Variants in OSR1 observed in about 807,000 individuals in gnomAD.
The protein encoded by OSR1 is protein odd-skipped-related 1.
In OSR1, 3 loss-of-function variants were observed where a neutral mutation model predicts 15.7. The observed-to-expected ratio is 0.19, with a 90% CI of 0.09 to 0.50. OSR1 has a LOEUF of 0.50. OSR1 is among the 20% of genes least tolerant of loss of function. The probability of loss-of-function intolerance (pLI) is 0.97; values close to 1 mark genes in which losing one functional copy is unlikely to be tolerated. For synonymous variants in OSR1, 166 were observed against 152.7 expected, an observed-to-expected ratio of 1.09 and a Z score of -0.64; for missense variants, 271 against 351.1, an observed-to-expected ratio of 0.77 and a Z score of 1.82.
At chr2:19,347,796 G>A (rs1280861154), downstream of OSR1, among the ~76,000 whole-genome samples, 3 of 152,238 alleles carry the variant, frequency 2.0e-5, no homozygotes, top group African/African-American at 7.2e-5. Flanking sequence ...GGCCTCTGTA[G>A]GACCGCGGCG....
At chr2:19,347,097 C>T (rs1664745503), downstream of OSR1, among the ~76,000 whole-genome samples, 1 of 152,168 alleles carries the variant, frequency 6.6e-6, no homozygotes, top group Non-Finnish European at 1.5e-5. Context: ...TGATATTCTT[C>T]CTCTCTCATT....
chr2:19,352,540 G>A, intron 2 of OSR1, 130 bp from the exon 3 acceptor site: 2 of 1,111,370 alleles, frequency 1.8e-6, no homozygotes, highest in South Asian at 3.0e-5. Context: ...TACCAAGTGT[G>A]GATGGGACAA....
chr2:19,352,946 T>C (rs1664869608), intron 2 of OSR1, among the ~76,000 whole-genome samples, 195 bp downstream of exon 2: 3 of 152,218 alleles, frequency 2.0e-5, no homozygotes. Context: ...TTGGGTCCTC[T>C]TTATTCCCAC....
intron 1 of OSR1, chr2:19,358,056 C>A (rs1046925981): frequency 1.3e-5 from 2 of 152,260 alleles, no homozygotes; most frequent in East Asian, 3.8e-4. Flanking sequence ...TCCGTGGGCA[C>A]CTCGCCCGTG....
Position 19,353,158 on chromosome 2 carries a change from G to A in OSR1, c.648C>T (p.Asp216=), listed in dbSNP as rs781224648. The A allele has an allele frequency of 1.9e-6, 3 of 1,613,738 alleles. No homozygotes were observed. Among genetic ancestry groups the A allele is most frequent in the African/African-American group, 2.7e-5 (2 of 74,930 alleles). ...DICHKAFRRQ[D]HLRDHRYIHS... is the part of the protein sequence containing the mutation. ...TGCCGCACCTGTGGTCTCGCAGGTGGTCTTGCCTCCGGAAGGCTTTGTGGC... is the reference window on the plus strand; with the variant it reads ...TGCCGCACCTGTGGTCTCGCAGGTGATCTTGCCTCCGGAAGGCTTTGTGGC... The change falls in exon 2 of 3, where the codon GAC becomes GAT. Residue 216 remains aspartate, a synonymous_variant. Transcript: ENST00000272223.
chr2:19,349,348 G>T (rs1572257656), downstream of OSR1, among the ~76,000 whole-genome samples: 1 of 152,190 alleles, frequency 6.6e-6, no homozygotes, highest in East Asian at 1.9e-4. Context: ...AGAACAAGCT[G>T]CAGGGAGACG....
intron 2 of OSR1, 22 bp downstream of exon 2, chr2:19,353,119 T>C: frequency 6.2e-7 from 1 of 1,610,684 alleles, no homozygotes; most frequent in Non-Finnish European, 8.5e-7. Context: ...AGCTCTCTCT[T>C]GCGCCACCCG....
At chr2:19,347,420 C>T (rs1664750766), downstream of OSR1, among the ~76,000 whole-genome samples, 1 of 152,172 alleles carries the variant, frequency 6.6e-6, no homozygotes, top group African/African-American at 2.4e-5. Context: ...AGGGACTTCC[C>T]CAAAACTTGT....
intron 1 of OSR1, 194 bp from the exon 2 acceptor site, chr2:19,354,031 T>A (rs1022324021): frequency 3.6e-6 from 2 of 561,962 alleles, no homozygotes; most frequent in Non-Finnish European, 6.3e-6. Flanking sequence ...GGGAGCCCTC[T>A]TTTCAGAACC....
chr2:19,354,735 CTG>C (rs1259491293), intron 1 of OSR1: 1 of 152,260 alleles, frequency 6.6e-6, no homozygotes, highest in East Asian at 1.9e-4. Context: ...TTCATTTACT[CTG>C]TCAAACAACT....
At chr2:19,347,489 C>A (rs1007626700), downstream of OSR1, among the ~76,000 whole-genome samples, 8 of 152,322 alleles carry the variant, frequency 5.3e-5, no homozygotes, top group African/African-American at 1.7e-4. Context: ...GAAAGCACAG[C>A]TTCGAATTCT....
chr2:19,351,540 A>C lies in OSR1; in HGVS notation c.*735T>G, dbSNP rs1257400439. 1 of 152,490 alleles carries C rather than the reference A, an allele frequency of 6.6e-6. No homozygotes were observed. Among genetic ancestry groups the C allele is most frequent in the Non-Finnish European group, 1.5e-5 (1 of 68,006 alleles). 9.4% of individuals were successfully genotyped at this position (152,490 alleles called of 1,614,324 possible). A position where few individuals can be genotyped will look rare whatever the true frequency, so the allele number is the denominator to read the frequency against. ...TAAAAAAAAAAAAAACTCCAGTGAT[A>C]AATGTCCGTTACCGATGGTCAGCAT... is the stretch of plus-strand genomic sequence containing the variant. On this transcript the variant is annotated 3_prime_UTR_variant, in exon 3 of 3. Coordinates refer to ENST00000272223, the MANE Select transcript of OSR1 (RefSeq NM_145260.3).
In OSR1 at chr2:19,352,107, C is replaced by A; in HGVS notation, c.*168G>T. 1 of 685,130 alleles carries A rather than the reference C, an allele frequency of 1.5e-6. No homozygotes were observed. The highest frequency in any genetic ancestry group is 2.2e-6 in the Non-Finnish European group (1 of 444,576). 42.4% of individuals were successfully genotyped at this position (685,130 alleles called of 1,614,324 possible). The stretch of plus-strand genomic sequence containing the variant: ...GCAGGGACGGTCGGGGTCGCGGCCC[C>A]GGGCGGGGCTCTGAAGTGCCGCGTG... On this transcript the variant is annotated 3_prime_UTR_variant, in exon 3 of 3. Coordinates refer to ENST00000272223, the MANE Select transcript of OSR1 (RefSeq NM_145260.3).
At position 19,353,421 on chromosome 2, in the gene OSR1, C is replaced by G. The variant is rs1252331658; in HGVS notation, c.385G>C (p.Glu129Gln). 6.2e-7 allele frequency: 1 copy of G among 1,614,134 alleles called. No individual in the cohort carries two copies. The highest frequency in any genetic ancestry group is 8.5e-7 in the Non-Finnish European group (1 of 1,179,972). The change falls in exon 2 of 3, where the codon GAA (glutamate) becomes CAA (glutamine). Residue 129 changes from glutamate (E) to glutamine (Q), a missense_variant. Glu to Gln is a conservative substitution (Grantham distance 29). Coordinates refer to ENST00000272223, the MANE Select transcript of OSR1 (RefSeq NM_145260.3). ...FANLALAATQ[E>Q]DPAKLGRGEG... ...CCGCGACCGAGCTTGGCCGGATCTT[C>G]TTGCGTTGCTGCCAAGGCCAGGTTG...
Position 19,353,578 on chromosome 2 carries a change from C to T in OSR1, c.228G>A (p.Val76=). 6 of 1,614,182 alleles carry T rather than the reference C, an allele frequency of 3.7e-6. No individual in the cohort carries two copies. Among genetic ancestry groups the T allele is most frequent in the Non-Finnish European group, 5.1e-6 (6 of 1,180,006 alleles). The change falls in exon 2 of 3, where the codon GTG becomes GTA. Residue 76 remains valine, a synonymous_variant. Coordinates refer to ENST00000272223, the MANE Select transcript of OSR1 (RefSeq NM_145260.3). ...RSSFSKVPGT[V]SSLVDARFQL... ...GGAAGCGCGCATCCACCAAGCTGGA[C>T]ACCGTGCCCGGCACTTTGGAGAAAG...
chr2:19,349,221 A>G (rs558362004), downstream of OSR1, among the ~76,000 whole-genome samples: 2 of 152,338 alleles, frequency 1.3e-5, no homozygotes, highest in East Asian at 1.9e-4. Flanking sequence ...CTAGTTTCCA[A>G]CCACATCAAC....
At chr2:19,349,736 G>A (rs1483376033), downstream of OSR1, among the ~76,000 whole-genome samples, 1 of 152,222 alleles carries the variant, frequency 6.6e-6, no homozygotes, top group Non-Finnish European at 1.5e-5. Flanking sequence ...GGGAAGAGCA[G>A]CCATAGACAA....
chr2:19,349,729 A>G (rs1235897661), downstream of OSR1, among the ~76,000 whole-genome samples: 1 of 152,116 alleles, frequency 6.6e-6, no homozygotes, highest in Admixed American at 6.5e-5. Context: ...GGGGCTAGGG[A>G]AGAGCAGCCA....
downstream of OSR1, among the ~76,000 whole-genome samples, chr2:19,349,790 G>A (rs1558358121): frequency 6.8e-6 from 1 of 147,626 alleles, no homozygotes; most frequent in Non-Finnish European, 1.5e-5. Context: ...ACTAGGAAGG[G>A]CACCCTGTGT....
Sources: gnomAD v4.1 joint callset for allele counts (sites outside exome capture counted in the v4.1 genomes callset) on GRCh38, gnomAD v4.1.1 for gene constraint, MANE v1.5 for transcripts, NCBI Gene and HGNC (gene_info 2026-07-23, HGNC 2026-07-21) for gene names.